SHISA9: variants seen among roughly 807,000 people sequenced by gnomAD.
The protein encoded by SHISA9 is protein shisa-9.
SHISA9 carries 13 observed loss-of-function variants against 38.0 expected under a neutral mutation model. The ratio of observed to expected loss-of-function variants is 0.34; its 90% CI spans 0.22 to 0.54. The LOEUF (loss-of-function observed/expected upper bound fraction) is 0.54. SHISA9 is among the 20% of genes least tolerant of loss of function. SHISA9 has a pLI of 0.91. For synonymous variants in SHISA9, 275 were observed against 242.0 expected, an observed-to-expected ratio of 1.14 and a Z score of -1.27; for missense variants, 538 against 575.8, an observed-to-expected ratio of 0.93 and a Z score of 0.67.
At chr16:13,303,768 A>C in the SHISA9 span, among the ~76,000 whole-genome samples, 1 of 152,200 alleles carries the variant, frequency 6.6e-6, no homozygotes, top group Non-Finnish European at 1.5e-5. Flanking sequence ...CAAATTTTTA[A>C]AAAAGGAATG....
chr16:13,242,356 A>G (rs561333741), downstream of SHISA9, among the ~76,000 whole-genome samples: 4 of 152,292 alleles, frequency 2.6e-5, no homozygotes, highest in Admixed American at 1.3e-4. Context: ...CCCAGGGTCC[A>G]ATGTTTGTAA....
chr16:13,244,630 G>C (rs2819685), downstream of SHISA9, among the ~76,000 whole-genome samples: 23,204 of 152,100 alleles, frequency 0.15, 2,195 homozygotes, highest in South Asian at 0.29. Context: ...AAGGCTTCTG[G>C]TCAAAGTGGA....
chr16:13,232,391 T>C (rs1395709671), intron 4 of SHISA9, among the ~76,000 whole-genome samples: 2 of 152,174 alleles, frequency 1.3e-5, no homozygotes, highest in Non-Finnish European at 2.9e-5. Flanking sequence ...TGTATACCTA[T>C]GTAACCTGCA....
chr16:13,393,907 G>C, the SHISA9 span, among the ~76,000 whole-genome samples: 1 of 152,174 alleles, frequency 6.6e-6, no homozygotes, highest in East Asian at 1.9e-4. Context: ...GACAAGTTGG[G>C]TCATTGTTCC....
At chr16:13,122,286 C>G (rs2050218615) in intron 2 of SHISA9, among the ~76,000 whole-genome samples, 1 of 152,174 alleles carries the variant, frequency 6.6e-6, no homozygotes, top group Non-Finnish European at 1.5e-5. Flanking sequence ...CCCCAGAAGT[C>G]CTCTTCTGAT....
chr16:13,369,159 C>T, the SHISA9 span, among the ~76,000 whole-genome samples: 3 of 152,134 alleles, frequency 2.0e-5, no homozygotes, highest in Non-Finnish European at 4.4e-5. Flanking sequence ...TCCATTCATA[C>T]ATATTTTGAA....
intron 2 of SHISA9, among the ~76,000 whole-genome samples, chr16:13,130,285 T>C (rs546328491): frequency 6.6e-6 from 1 of 152,278 alleles, no homozygotes; most frequent in Admixed American, 6.5e-5. Context: ...CTCTCCTTGG[T>C]TCATATTATT....
At chr16:13,293,387 C>G in the SHISA9 span, among the ~76,000 whole-genome samples, 1 of 152,142 alleles carries the variant, frequency 6.6e-6, no homozygotes, top group Non-Finnish European at 1.5e-5. Context: ...ATCTGCAAAG[C>G]TCTTAAATAA....
chr16:13,399,795 T>C, the SHISA9 span, among the ~76,000 whole-genome samples: 5 of 152,128 alleles, frequency 3.3e-5, no homozygotes, highest in South Asian at 8.3e-4. Context: ...AGGTCTGGAG[T>C]GGGTCCTGAG....
chr16:13,426,599 T>G, the SHISA9 span, among the ~76,000 whole-genome samples: 1 of 152,104 alleles, frequency 6.6e-6, no homozygotes, highest in African/African-American at 2.4e-5. Context: ...CTATTGATCG[T>G]TCGAAGTAAA....
At chr16:12,963,891 A>G (rs1244257956) in intron 2 of SHISA9, among the ~76,000 whole-genome samples, 1 of 152,246 alleles carries the variant, frequency 6.6e-6, no homozygotes, top group East Asian at 1.9e-4. Flanking sequence ...TTTGGATGTC[A>G]TAGCCGAGGG....
intron 2 of SHISA9, among the ~76,000 whole-genome samples, chr16:13,164,950 G>A (rs1040831474): frequency 6.6e-6 from 1 of 152,202 alleles, no homozygotes; most frequent in East Asian, 1.9e-4. Context: ...TAAGAAATCT[G>A]CTACTATTCT....
the SHISA9 span, among the ~76,000 whole-genome samples, chr16:13,442,548 G>A: frequency 1.3e-4 from 20 of 152,168 alleles, no homozygotes; most frequent in East Asian, 2.7e-3. Context: ...CAGGTGATCC[G>A]CCCACCTTGG....
chr16:13,115,529 C>T, intron 2 of SHISA9, among the ~76,000 whole-genome samples: 1 of 152,200 alleles, frequency 6.6e-6, no homozygotes, highest in Non-Finnish European at 1.5e-5. Flanking sequence ...CCTGGGCGGG[C>T]CAGGTGTTCC....
At chr16:13,224,011 G>A (rs1338634742) in intron 4 of SHISA9, among the ~76,000 whole-genome samples, 1 of 152,214 alleles carries the variant, frequency 6.6e-6, no homozygotes, top group Non-Finnish European at 1.5e-5. Context: ...AAAGCTCTCT[G>A]AGCCTCAGTT....
intron 2 of SHISA9, among the ~76,000 whole-genome samples, chr16:13,050,707 A>T (rs1179301510): frequency 6.6e-6 from 1 of 152,224 alleles, no homozygotes; most frequent in East Asian, 1.9e-4. Context: ...TTAGAATCTA[A>T]CTGGGGAAGC....
In SHISA9 at chr16:13,235,697, A is replaced by C; in HGVS notation, c.*288A>C. 11 of 384,022 alleles carry C rather than the reference A, an allele frequency of 2.9e-5. No individual in the cohort carries two copies. Among genetic ancestry groups the C allele is most frequent in the Non-Finnish European group, 4.6e-5 (10 of 215,546 alleles). The allele number at this position is 384,022 out of a possible 1,614,324, so 23.8% of individuals were successfully genotyped here. A position where few individuals can be genotyped will look rare whatever the true frequency, so the allele number is the denominator to read the frequency against. ...TTCAGGCCCAAGATGGCCAACTCAC[A>C]TGCCCAAACCGTGGGGCTGAGTTTT... is the stretch of plus-strand genomic sequence containing the variant. On this transcript the variant is annotated 3_prime_UTR_variant, in exon 5 of 5. Transcript: ENST00000558583.
chr16:13,403,623 A>C, the SHISA9 span, among the ~76,000 whole-genome samples: 1 of 152,230 alleles, frequency 6.6e-6, no homozygotes, highest in Non-Finnish European at 1.5e-5. Context: ...ACAGTATTAG[A>C]GGGTGCAGCA....
At chr16:13,535,739 C>G in the SHISA9 span, among the ~76,000 whole-genome samples, 220 of 152,304 alleles carry the variant, frequency 1.4e-3, no homozygotes, top group African/African-American at 5.0e-3. Flanking sequence ...AATTTTCCTT[C>G]TGCATCCAGA....
Sources: gnomAD v4.1 joint callset for allele counts (sites outside exome capture counted in the v4.1 genomes callset) on GRCh38, gnomAD v4.1.1 for gene constraint, MANE v1.5 for transcripts, NCBI Gene and HGNC (gene_info 2026-07-23, HGNC 2026-07-21) for gene names.